The following ADAM10 variants were observed in gnomAD, a reference collection of about 807,000 sequenced individuals.
The protein encoded by ADAM10 is ADAM metallopeptidase domain 10.
In ADAM10, 17 loss-of-function variants were observed where a neutral mutation model predicts 90.1. The observed-to-expected ratio is 0.19, with a 90% CI of 0.13 to 0.28. The LOEUF (loss-of-function observed/expected upper bound fraction) is 0.28. ADAM10 is among the 10% of genes least tolerant of loss of function. The pLI, the probability that ADAM10 is intolerant of heterozygous loss-of-function variation, is 1.00. For synonymous variants in ADAM10, 310 were observed against 298.6 expected, an observed-to-expected ratio of 1.04 and a Z score of -0.40; for missense variants, 610 against 914.3, an observed-to-expected ratio of 0.67 and a Z score of 4.29.
chr15:58,737,299 G>C lies in ADAM10; in HGVS notation c.55+12181C>G, dbSNP rs543604912. Among the ~76,000 whole-genome samples, 8 of 152,140 alleles carry C rather than the reference G, an allele frequency of 5.3e-5. No individual in the cohort carries two copies. The East Asian group carries it at 1.4e-3, about 26-fold the overall frequency. ...TGACAAAACTGAAATGGTTTTATGC[G>C]TGTTCTTTCTGTAAGCTGCTTTTCT... On this transcript the variant is annotated intron_variant, in intron 1 of 15. Transcript: ENST00000260408.
At chr15:58,704,116 T>A (rs1216568777) in intron 2 of ADAM10, 1 of 152,290 alleles carries the variant, frequency 6.6e-6, no homozygotes, top group Non-Finnish European at 1.5e-5. Context: ...TGGAGATTAA[T>A]GGGGTGACAA....
intron 1 of ADAM10, among the ~76,000 whole-genome samples, chr15:58,744,738 A>C (rs929706539): frequency 4.6e-5 from 7 of 152,236 alleles, no homozygotes; most frequent in Admixed American, 3.3e-4. Flanking sequence ...GGCCAGGCAC[A>C]GTGGCTTACA....
chr15:58,718,533 G>C (rs1393540048), intron 1 of ADAM10, among the ~76,000 whole-genome samples: 1 of 152,130 alleles, frequency 6.6e-6, no homozygotes, highest in East Asian at 1.9e-4. Context: ...AATTTATGTA[G>C]AATGAGTGCT....
chr15:58,625,598 G>C (rs1895913100), intron 10 of ADAM10, among the ~76,000 whole-genome samples: 1 of 152,210 alleles, frequency 6.6e-6, no homozygotes, highest in African/African-American at 2.4e-5. Flanking sequence ...GAGTTTGGCA[G>C]TTTTGTACAA....
chr15:58,737,329 T>C (rs192963446), intron 1 of ADAM10, among the ~76,000 whole-genome samples: 365 of 152,262 alleles, frequency 2.4e-3, no homozygotes, highest in Admixed American at 3.8e-3. Context: ...TTTTCTCCCC[T>C]CAAATGTAAA....
chr15:58,643,958 C>T lies in ADAM10; in HGVS notation c.756G>A (p.Ala252=), dbSNP rs748621743. 12 of 1,611,024 alleles carry T rather than the reference C, an allele frequency of 7.4e-6. No homozygotes were observed. The highest frequency in any genetic ancestry group is 2.2e-5 in the East Asian group (1 of 44,832). Residue 252 remains alanine, a synonymous_variant, in exon 7 of 16, where the codon GCG becomes GCA. Transcript: ENST00000260408. The stretch of plus-strand genomic sequence containing the variant: ...CTGTGGTCTGGTAAATTGTATCAAT[C>T]GCTTTAACATGACTGGATATCTATG... ...VIAQISSHVK[A]IDTIYQTTDF...
At chr15:58,600,438 A>C (rs1381194825) in intron 14 of ADAM10, among the ~76,000 whole-genome samples, 2 of 152,164 alleles carry the variant, frequency 1.3e-5, no homozygotes, top group Non-Finnish European at 2.9e-5. Context: ...TTGGAATTTG[A>C]GACTCGGACT....
rs375818661 is a variant in ADAM10 at position 58,680,153 on chromosome 15, T to A, written c.326-871A>T. 5.3e-5 allele frequency among the ~76,000 whole-genome samples: 8 copies of A among 152,124 alleles called. No homozygotes were observed. The East Asian group carries it at 9.7e-4, about 18-fold the overall frequency. On this transcript the variant is annotated intron_variant, in intron 3 of 15. Transcript: ENST00000260408. ...TTGTTTTGCTTTTGAGACAAGGTCTTGCTCTGTCACCCGGGCTGGAGTGCA... is the reference window on the plus strand; with the variant it reads ...TTGTTTTGCTTTTGAGACAAGGTCTAGCTCTGTCACCCGGGCTGGAGTGCA...
Position 58,627,897 on chromosome 15 carries a change from T to C in ADAM10, c.1177-14A>G, listed in dbSNP as rs202157020. 1.8e-5 allele frequency: 29 copies of C among 1,612,084 alleles called. No individual in the cohort carries two copies. The African/African-American group carries it at 3.6e-4, about 20-fold the overall frequency. ...TCCAGAATCATGCTGTCAAAAAGAA[T>C]ATAAAGTTACATAAACAGGAAGTAA... On this transcript the variant is annotated splice_polypyrimidine_tract_variant and intron_variant, in intron 9 of 15. Coordinates refer to ENST00000260408, the MANE Select transcript of ADAM10 (RefSeq NM_001110.4).
At chr15:58,735,260 A>G (rs1481347914) in intron 1 of ADAM10, among the ~76,000 whole-genome samples, 1 of 152,060 alleles carries the variant, frequency 6.6e-6, no homozygotes, top group East Asian at 1.9e-4. Flanking sequence ...CTCTATCCTG[A>G]TCCTTACTAC....
In ADAM10 at chr15:58,633,260, T is replaced by C. The variant is rs1363509058; in HGVS notation, c.1112A>G (p.His371Arg). ...AATGTGAGAGACTTTGGGAGGTACA[T>C]GAGACCCATAGTTCTGAACAGTAAT... The part of the protein sequence containing the change: ...GIITVQNYGS[H>R]VPPKVSHITF... Residue 371 changes from histidine (H) to arginine (R), a missense_variant, in exon 9 of 16, where the codon CAT (histidine) becomes CGT (arginine). By Grantham distance (29) the His-to-Arg change is conservative (BLOSUM62 0). Around this residue, in one of 4 missense-constraint regions of ADAM10, gnomAD observed 97 missense variants for 221.4 expected, o/e 0.44. Coordinates refer to ENST00000260408, the MANE Select transcript of ADAM10 (RefSeq NM_001110.4). 2.5e-6 allele frequency: 4 copies of C among 1,613,430 alleles called. No homozygotes were observed. Among genetic ancestry groups the C allele is most frequent in the African/African-American group, 2.7e-5 (2 of 74,898 alleles).
intron 1 of ADAM10, among the ~76,000 whole-genome samples, chr15:58,719,277 T>C (rs1308629709): frequency 4.6e-5 from 7 of 152,024 alleles, no homozygotes; most frequent in Non-Finnish European, 1.0e-4. Flanking sequence ...TGAGCCGAGA[T>C]CATGCCATTG....
intron 14 of ADAM10, among the ~76,000 whole-genome samples, chr15:58,600,593 G>A (rs557898497): frequency 2.8e-4 from 42 of 152,132 alleles, no homozygotes; most frequent in African/African-American, 9.9e-4. Flanking sequence ...AGTTCATCCC[G>A]TCTTAGAAGA....
At chr15:58,642,464 CAA>C (rs1237524265) in intron 7 of ADAM10, among the ~76,000 whole-genome samples, 1 of 113,972 alleles carries the variant, frequency 8.8e-6, no homozygotes. Context: ...GACTCCTTCT[CAA>C]AAAAAAAAAA....
At chr15:58,694,796 A>G (rs879198446) in intron 2 of ADAM10, among the ~76,000 whole-genome samples, 2 of 152,158 alleles carry the variant, frequency 1.3e-5, no homozygotes, top group South Asian at 2.1e-4. Context: ...GTTAAGACAC[A>G]AAAGAATGCA....
intron 2 of ADAM10, among the ~76,000 whole-genome samples, chr15:58,708,031 C>T (rs915237792): frequency 4.6e-5 from 7 of 151,674 alleles, no homozygotes; most frequent in African/African-American, 7.3e-5. Context: ...GAGTGAAGAT[C>T]GCGCCACTGT....
intron 5 of ADAM10, among the ~76,000 whole-genome samples, chr15:58,651,267 T>A (rs1896680627): frequency 6.6e-6 from 1 of 152,144 alleles, no homozygotes; most frequent in Non-Finnish European, 1.5e-5. Flanking sequence ...ACAATTACAC[T>A]CTTTTAGTTA....
intron 2 of ADAM10, chr15:58,693,091 T>C (rs777817260): frequency 4.0e-6 from 3 of 745,826 alleles, no homozygotes; most frequent in African/African-American, 1.7e-5. Context: ...GAAAATCTCC[T>C]TGTTGGAATA....
chr15:58,749,384 T>G (rs1459573518), intron 1 of ADAM10, 96 bp downstream of exon 1: 1 of 1,268,172 alleles, frequency 7.9e-7, no homozygotes, highest in Non-Finnish European at 9.9e-7. Context: ...CTGGGCTGAC[T>G]GACGCGCACG....
Sources: gnomAD v4.1 joint callset for allele counts (sites outside exome capture counted in the v4.1 genomes callset) on GRCh38, gnomAD v4.1.1 for gene constraint, gnomAD v4.1.1 regional missense constraint, MANE v1.5 for transcripts, NCBI Gene and HGNC (gene_info 2026-07-23, HGNC 2026-07-21) for gene names.